RAB2A: variants seen among roughly 807,000 people sequenced by gnomAD.
RAB2A encodes the protein ras-related protein Rab-2A.
A neutral mutation model predicts 32.5 loss-of-function variants in RAB2A; 7 were observed. The ratio of observed to expected loss-of-function variants is 0.22; its 90% CI spans 0.12 to 0.40. The LOEUF (loss-of-function observed/expected upper bound fraction) is 0.40, where lower values mean the gene tolerates loss of function less well. RAB2A is among the 10% of genes least tolerant of loss of function. RAB2A has a pLI of 1.00. For synonymous variants in RAB2A, 79 were observed against 85.2 expected (o/e 0.93, Z 0.40); for missense variants, 108 against 260.7 (o/e 0.41, Z 4.03).
Position 60,590,017 on chromosome 8 carries a change from A to G in RAB2A, c.363-1841A>G, listed in dbSNP as rs1359015706. Among the ~76,000 whole-genome samples, 3 of 151,746 alleles carry G rather than the reference A, an allele frequency of 2.0e-5. No individual in the cohort carries two copies. In the East Asian group the frequency reaches 5.8e-4, roughly 29 times the overall value. ...CACTCTGTCGCCCAGGCTGGAGTGC[A>G]GTGGCGCGATCTCTGCTCACTGCAA... On this transcript the variant is annotated intron_variant, in intron 5 of 7. Coordinates refer to ENST00000262646, the MANE Select transcript of RAB2A (RefSeq NM_002865.3).
At chr8:60,527,940 A>G (rs1269396629) in intron 1 of RAB2A, among the ~76,000 whole-genome samples, 3 of 152,222 alleles carry the variant, frequency 2.0e-5, no homozygotes, top group Non-Finnish European at 4.4e-5. Flanking sequence ...GGAAAGGGAC[A>G]CTGGTTATCA....
At chr8:60,590,352 C>T (rs1053761282) in intron 5 of RAB2A, among the ~76,000 whole-genome samples, 4 of 151,212 alleles carry the variant, frequency 2.6e-5, no homozygotes, top group African/African-American at 9.7e-5. Context: ...AAAAATCCTA[C>T]CCAGGCTTAA....
At chr8:60,615,912 A>T (rs1238259794) in intron 6 of RAB2A, among the ~76,000 whole-genome samples, 5 of 152,190 alleles carry the variant, frequency 3.3e-5, no homozygotes, top group Non-Finnish European at 7.3e-5. Flanking sequence ...TTAAATATTA[A>T]TGTTTGTCAT....
At chr8:60,620,645 A>G in intron 7 of RAB2A, 29 bp from the exon 8 acceptor site, 2 of 1,483,082 alleles carry the variant, frequency 1.3e-6, no homozygotes, top group Non-Finnish European at 9.4e-7. Flanking sequence ...GTCTGGTCAT[A>G]TTTATTGTTC....
At chr8:60,541,539 A>G (rs553060548) in intron 1 of RAB2A, among the ~76,000 whole-genome samples, 7 of 152,258 alleles carry the variant, frequency 4.6e-5, no homozygotes, top group South Asian at 2.1e-4. Context: ...AAATACAAAA[A>G]TTAGCCAGGC....
chr8:60,559,629 T>C (rs1238154636), intron 2 of RAB2A, among the ~76,000 whole-genome samples: 1 of 152,212 alleles, frequency 6.6e-6, no homozygotes, highest in East Asian at 1.9e-4. Context: ...TGTTTCGGGT[T>C]TTTATTTGTT....
chr8:60,538,233 T>A (rs932976697), intron 1 of RAB2A, among the ~76,000 whole-genome samples: 6 of 152,226 alleles, frequency 3.9e-5, no homozygotes, highest in Non-Finnish European at 7.3e-5. Flanking sequence ...AATACTGCAC[T>A]TGAAGACAAA....
At chr8:60,542,089 CAAA>C (rs1807654760) in intron 1 of RAB2A, among the ~76,000 whole-genome samples, 5 of 152,092 alleles carry the variant, frequency 3.3e-5, no homozygotes, top group African/African-American at 1.2e-4. Context: ...CAGGAGAATA[CAAA>C]GGAAGATACT....
At position 60,517,437 on chromosome 8, in the gene RAB2A, A is replaced by G. The variant is rs1807223832; in HGVS notation, c.46+184A>G. Among the ~76,000 whole-genome samples the G allele has an allele frequency of 2.0e-5, 3 of 152,194 alleles. No individual in the cohort carries two copies. In the South Asian group the frequency reaches 6.2e-4, roughly 32 times the overall value. ...CACTGCGAGCGGCCGCGGCCTGGCC[A>G]GGCCCGGTCTGCGGCCCCCGACCCG... On this transcript the variant is annotated intron_variant, in intron 1 of 7. Coordinates refer to ENST00000262646, the MANE Select transcript of RAB2A (RefSeq NM_002865.3).
At chr8:60,535,900 G>T (rs1274080755) in intron 1 of RAB2A, among the ~76,000 whole-genome samples, 1 of 152,168 alleles carries the variant, frequency 6.6e-6, no homozygotes, top group African/African-American at 2.4e-5. Flanking sequence ...GATTGGCTCA[G>T]TCTAGGACAC....
intron 6 of RAB2A, among the ~76,000 whole-genome samples, chr8:60,606,693 T>G (rs1804237239): frequency 1.3e-5 from 2 of 152,252 alleles, no homozygotes; most frequent in Admixed American, 1.3e-4. Flanking sequence ...TATACACAAG[T>G]AATACTTGGA....
intron 1 of RAB2A, among the ~76,000 whole-genome samples, chr8:60,520,245 A>C (rs193026646): frequency 6.6e-6 from 1 of 152,184 alleles, no homozygotes; most frequent in African/African-American, 2.4e-5. Context: ...TGATGATACT[A>C]TTGAGCTGTT....
intron 6 of RAB2A, among the ~76,000 whole-genome samples, chr8:60,592,562 T>C (rs557388722): frequency 3.9e-5 from 6 of 152,188 alleles, no homozygotes; most frequent in Non-Finnish European, 8.8e-5. Context: ...ACATCACCAC[T>C]TCTGCTTAAA....
At chr8:60,616,080 G>A (rs1451144670) in intron 6 of RAB2A, among the ~76,000 whole-genome samples, 2 of 152,080 alleles carry the variant, frequency 1.3e-5, no homozygotes, top group Non-Finnish European at 2.9e-5. Context: ...AGTTGTAATG[G>A]AGTTAATTGC....
intron 1 of RAB2A, among the ~76,000 whole-genome samples, chr8:60,547,446 G>T (rs1357896626): frequency 6.6e-6 from 1 of 151,070 alleles, no homozygotes; most frequent in East Asian, 2.0e-4. Context: ...CCGGGCAGAG[G>T]GGCTCCTCAC....
At chr8:60,528,516 C>T (rs1157714748) in intron 1 of RAB2A, among the ~76,000 whole-genome samples, 1 of 152,116 alleles carries the variant, frequency 6.6e-6, no homozygotes, top group East Asian at 1.9e-4. Flanking sequence ...CCCACTGTCC[C>T]CCACTTAGCT....
chr8:60,586,923 C>CT (rs1167348161), intron 5 of RAB2A, among the ~76,000 whole-genome samples: 1 of 143,914 alleles, frequency 6.9e-6, no homozygotes, highest in Admixed American at 7.0e-5. Context: ...GAGCAAGACT[C>CT]TGTCTCCAAG....
intron 3 of RAB2A, among the ~76,000 whole-genome samples, chr8:60,579,926 C>T (rs996720399): frequency 6.6e-6 from 1 of 151,736 alleles, no homozygotes; most frequent in Non-Finnish European, 1.5e-5. Flanking sequence ...CGCGCCTGGC[C>T]CTAGGTTAAC....
chr8:60,518,186 C>T (rs1230654208), intron 1 of RAB2A, among the ~76,000 whole-genome samples: 1 of 152,138 alleles, frequency 6.6e-6, no homozygotes, highest in African/African-American at 2.4e-5. Context: ...TGTGATTTGG[C>T]ATTACTTTGA....
Sources: gnomAD v4.1 joint callset for allele counts (sites outside exome capture counted in the v4.1 genomes callset) on GRCh38, gnomAD v4.1.1 for gene constraint, MANE v1.5 for transcripts, NCBI Gene and HGNC (gene_info 2026-07-23, HGNC 2026-07-21) for gene names.